FXR1: variants seen among roughly 807,000 people sequenced by gnomAD.
FXR1 encodes the protein FMR1 autosomal homolog 1.
FXR1 carries 15 observed loss-of-function variants against 84.0 expected under a neutral mutation model. The observed-to-expected ratio is 0.18, with a 90% CI of 0.12 to 0.27. The LOEUF is 0.27. FXR1 is among the 10% of genes least tolerant of loss of function. The pLI is 1.00. For synonymous variants in FXR1, 245 were observed against 250.7 expected (o/e 0.98, Z 0.21); for missense variants, 480 against 774.4 (o/e 0.62, Z 4.51).
At chr3:180,931,800 G>A (rs1719941578) in intron 1 of FXR1, among the ~76,000 whole-genome samples, 1 of 139,042 alleles carries the variant, frequency 7.2e-6, no homozygotes. Context: ...GAGTGCAGCA[G>A]CATGGTTATG....
intron 8 of FXR1, among the ~76,000 whole-genome samples, 193 bp from the exon 9 acceptor site, chr3:180,953,569 T>G (rs556658445): frequency 2.6e-5 from 4 of 152,168 alleles, no homozygotes; most frequent in Admixed American, 1.3e-4. Flanking sequence ...TGATTTGGGG[T>G]TTTTAAAAAT....
At chr3:180,943,265 CTTTTTTTTT>C (rs71182562) in intron 3 of FXR1, among the ~76,000 whole-genome samples, 6 of 27,652 alleles carry the variant, frequency 2.2e-4, no homozygotes, top group African/African-American at 1.4e-4. Flanking sequence ...CTGTGCCCGG[CTTTTTTTTT>C]TTTTTTTTTT....
chr3:180,953,664 C>A, intron 8 of FXR1, 98 bp from the exon 9 acceptor site: 1 of 661,536 alleles, frequency 1.5e-6, no homozygotes, highest in Non-Finnish European at 2.7e-6. Flanking sequence ...AGAACATAAT[C>A]ATTCAGAATT....
chr3:180,919,464 T>C (rs550816214), intron 1 of FXR1, among the ~76,000 whole-genome samples: 2 of 151,824 alleles, frequency 1.3e-5, no homozygotes, highest in African/African-American at 4.8e-5. Flanking sequence ...TTTGTATTTT[T>C]AGTAGAGACA....
Position 180,920,027 on chromosome 3 carries a change from C to G in FXR1, c.51+7291C>G, listed in dbSNP as rs1290002315. 2.0e-5 allele frequency among the ~76,000 whole-genome samples: 3 copies of G among 152,260 alleles called. No individual in the cohort carries two copies. In the South Asian group the frequency reaches 6.2e-4, roughly 32 times the overall value. Reference sequence around the variant, plus strand: ...CTTGCCTGCCATTCTCTATCTTCAGCGTTTTTTGCTGTCTATTTTGGGAAG... The same window carrying G: ...CTTGCCTGCCATTCTCTATCTTCAGGGTTTTTTGCTGTCTATTTTGGGAAG... On this transcript the variant is annotated intron_variant, in intron 1 of 16. Coordinates refer to ENST00000357559, the MANE Select transcript of FXR1 (RefSeq NM_005087.4).
intron 13 of FXR1, among the ~76,000 whole-genome samples, chr3:180,967,237 C>T (rs1287029621): frequency 6.6e-6 from 1 of 151,932 alleles, no homozygotes; most frequent in Non-Finnish European, 1.5e-5. Flanking sequence ...GCAAAAACCG[C>T]AATTTAAGAT....
chr3:180,968,364 C>A, intron 14 of FXR1, 110 bp downstream of exon 14: 2 of 721,910 alleles, frequency 2.8e-6, no homozygotes, highest in Non-Finnish European at 4.8e-6. Context: ...TCTTGCTACT[C>A]ATTGTCTTAG....
intron 1 of FXR1, among the ~76,000 whole-genome samples, chr3:180,922,079 ATG>A (rs1394444481): frequency 6.6e-6 from 1 of 152,252 alleles, no homozygotes; most frequent in Admixed American, 6.5e-5. Context: ...AATCATAACA[ATG>A]TATTAAATTC....
chr3:180,949,579 T>G (rs1276788358), intron 7 of FXR1, among the ~76,000 whole-genome samples: 1 of 152,128 alleles, frequency 6.6e-6, no homozygotes, highest in African/African-American at 2.4e-5. Context: ...GAGGTGGGGT[T>G]TTGCCATGTT....
At chr3:180,947,273 C>T (rs1006981430) in intron 3 of FXR1, among the ~76,000 whole-genome samples, 1 of 152,172 alleles carries the variant, frequency 6.6e-6, no homozygotes, top group Non-Finnish European at 1.5e-5. Context: ...TCTCGAACTC[C>T]TGACCTCAGG....
At chr3:180,929,354 GC>G (rs1422205782) in intron 1 of FXR1, among the ~76,000 whole-genome samples, 3 of 152,020 alleles carry the variant, frequency 2.0e-5, no homozygotes, top group African/African-American at 7.3e-5. Flanking sequence ...GTGTTATACT[GC>G]CTGGTTATTA....
At chr3:180,914,797 T>G in intron 1 of FXR1, 2 of 983,752 alleles carry the variant, frequency 2.0e-6, no homozygotes, top group Non-Finnish European at 2.4e-6. Context: ...GTTGGTACTT[T>G]GACAAAGGTT....
At chr3:180,913,602 C>A (rs1560151559) in intron 1 of FXR1, among the ~76,000 whole-genome samples, 1 of 152,028 alleles carries the variant, frequency 6.6e-6, no homozygotes, top group Non-Finnish European at 1.5e-5. Context: ...GGCTGAAAAA[C>A]GTAAGAGGAA....
intron 1 of FXR1, chr3:180,915,678 A>G (rs1242062226): frequency 2.9e-6 from 2 of 701,682 alleles, no homozygotes; most frequent in Admixed American, 2.0e-5. Flanking sequence ...CCGTATAGGC[A>G]GAAGACACAC....
intron 1 of FXR1, among the ~76,000 whole-genome samples, chr3:180,929,971 T>G (rs990120882): frequency 6.6e-6 from 1 of 152,076 alleles, no homozygotes; most frequent in African/African-American, 2.4e-5. Context: ...GCAATAAGAG[T>G]AGATGCTCAA....
At chr3:180,926,504 A>AT (rs1289994089) in intron 1 of FXR1, among the ~76,000 whole-genome samples, 200 of 95,302 alleles carry the variant, frequency 2.1e-3, no homozygotes, top group South Asian at 4.0e-3. Context: ...ATATATATAT[A>AT]TATTTTTTTT....
At chr3:180,959,465 A>G (rs1323940711) in intron 10 of FXR1, among the ~76,000 whole-genome samples, 2 of 152,152 alleles carry the variant, frequency 1.3e-5, no homozygotes, top group Non-Finnish European at 2.9e-5. Context: ...TAACTAGATG[A>G]AATTGGCTGG....
chr3:180,940,267 G>C (rs1258718975), intron 3 of FXR1, among the ~76,000 whole-genome samples: 1 of 152,122 alleles, frequency 6.6e-6, no homozygotes, highest in Non-Finnish European at 1.5e-5. Context: ...TATTTCATAA[G>C]TATTTGCTTA....
At chr3:180,922,855 C>T (rs1718744454) in intron 1 of FXR1, among the ~76,000 whole-genome samples, 1 of 152,176 alleles carries the variant, frequency 6.6e-6, no homozygotes, top group Non-Finnish European at 1.5e-5. Flanking sequence ...CTCAAGTGAT[C>T]TTCCTGCCTC....
Sources: gnomAD v4.1 joint callset for allele counts (sites outside exome capture counted in the v4.1 genomes callset) on GRCh38, gnomAD v4.1.1 for gene constraint, MANE v1.5 for transcripts, NCBI Gene and HGNC (gene_info 2026-07-23, HGNC 2026-07-21) for gene names.